ZNF664: variants seen among roughly 807,000 people sequenced by gnomAD.
ZNF664 encodes zinc finger protein 664.
ZNF664 carries 10 observed loss-of-function variants against 18.2 expected under a neutral mutation model. The observed-to-expected ratio is 0.55, with a 90% CI of 0.34 to 0.93. The LOEUF is 0.93. Among genes scored for constraint, ZNF664 ranks in the 40% least tolerant of loss-of-function variants. The pLI is 0.02. For synonymous variants in ZNF664, 119 were observed against 104.2 expected (o/e 1.14, Z -0.86); for missense variants, 193 against 319.0 (o/e 0.61, Z 3.01).
At chr12:123,997,605 C>T (rs1956965109) in intron 3 of ZNF664, 1 of 152,208 alleles carries the variant, frequency 6.6e-6, no homozygotes. Context: ...TCCATGTCCT[C>T]TCTTTTATAA....
intron 2 of ZNF664, among the ~76,000 whole-genome samples, chr12:123,977,591 T>C (rs757498931): frequency 7.2e-5 from 11 of 152,116 alleles, no homozygotes; most frequent in Admixed American, 1.3e-4. Context: ...TAAAGTATCC[T>C]GAAAGGTCTG....
intron 3 of ZNF664, among the ~76,000 whole-genome samples, chr12:123,995,850 A>G (rs1439534728): frequency 6.6e-6 from 1 of 152,210 alleles, no homozygotes; most frequent in Non-Finnish European, 1.5e-5. Flanking sequence ...GGCTGGCTCA[A>G]CAGAGGTCTG....
Position 124,013,783 on chromosome 12 carries a change from T to C in ZNF664, c.*853T>C, listed in dbSNP as rs1168631869. 2.4e-5 allele frequency: 4 copies of C among 167,132 alleles called. No homozygotes were observed. Among genetic ancestry groups the C allele is most frequent in the Admixed American group, 6.5e-5 (1 of 15,290 alleles). 10.4% of individuals were successfully genotyped at this position (167,132 alleles called of 1,614,324 possible). A position where few individuals can be genotyped will look rare whatever the true frequency, so the allele number is the denominator to read the frequency against. ...GGGCTCCTTTGGTAACAGATGGAGC[T>C]CCTTCCTAGCTAGGGAGACCTTATG... On this transcript the variant is annotated 3_prime_UTR_variant, in exon 5 of 5. Coordinates refer to ENST00000337815, the MANE Select transcript of ZNF664 (RefSeq NM_152437.3).
chr12:123,995,240 T>TA (rs985757150), intron 3 of ZNF664, among the ~76,000 whole-genome samples: 30 of 152,092 alleles, frequency 2.0e-4, no homozygotes, highest in African/African-American at 5.1e-4. Flanking sequence ...AAGTAGGCTT[T>TA]AAAAAAAATA....
chr12:123,982,173 T>C (rs1363241566), intron 2 of ZNF664, among the ~76,000 whole-genome samples: 2 of 152,212 alleles, frequency 1.3e-5, no homozygotes, highest in Non-Finnish European at 2.9e-5. Flanking sequence ...GGCAGAGTGG[T>C]GCCCTTTCAT....
intron 3 of ZNF664, among the ~76,000 whole-genome samples, chr12:124,011,050 T>C (rs774407204): frequency 6.6e-6 from 1 of 152,212 alleles, no homozygotes; most frequent in Non-Finnish European, 1.5e-5. Context: ...CAGGAAATCA[T>C]TGAGGACAAG....
Position 124,011,756 on chromosome 12 carries a change from C to A in ZNF664, c.-389C>A. On this transcript the variant is annotated 5_prime_UTR_variant, in exon 5 of 5. Transcript: ENST00000337815. ...GGGGATATACTGTACAGTCCTTTTT[C>A]TAGAAGTGAGACATACAAGATTACT... The A allele has an allele frequency of 9.3e-7, 1 of 1,071,954 alleles. No homozygotes were observed. Among genetic ancestry groups the A allele is most frequent in the South Asian group, 3.3e-5 (1 of 30,220 alleles). 66.4% of individuals were successfully genotyped at this position (1,071,954 alleles called of 1,614,324 possible).
rs1336232593 is a variant in ZNF664, at chr12:124,014,692, T to C, written c.*1762T>C. The C allele has an allele frequency of 6.0e-6, 1 of 167,124 alleles. No homozygotes were observed. The highest frequency in any genetic ancestry group is 2.4e-5 in the African/African-American group (1 of 41,470). The allele number at this position is 167,124 out of a possible 1,614,324, so 10.4% of individuals were successfully genotyped here. Reference sequence around the variant, plus strand: ...CTACTCAAGATAGTCACGAAAATACTGAAAGTTTGATTTTTCTTTCCATAT... The same window carrying C: ...CTACTCAAGATAGTCACGAAAATACCGAAAGTTTGATTTTTCTTTCCATAT... On this transcript the variant is annotated 3_prime_UTR_variant, in exon 5 of 5. Transcript: ENST00000337815.
At chr12:123,973,424 G>A in intron 1 of ZNF664, 72 bp downstream of exon 1, 1 of 906,682 alleles carries the variant, frequency 1.1e-6, no homozygotes, top group Non-Finnish European at 1.3e-6. Context: ...GGGCCAGGGA[G>A]CGGGCTGGGG....
chr12:123,988,722 A>AT (rs1333533217), intron 3 of ZNF664, among the ~76,000 whole-genome samples: 1 of 151,576 alleles, frequency 6.6e-6, no homozygotes, highest in South Asian at 2.1e-4. Context: ...CAGCACAACT[A>AT]TTTTTTTACT....
intron 2 of ZNF664, among the ~76,000 whole-genome samples, chr12:123,981,657 G>C (rs1956766178): frequency 6.6e-6 from 1 of 152,204 alleles, no homozygotes; most frequent in South Asian, 2.1e-4. Flanking sequence ...AACAGATTAA[G>C]ACAGGAATAT....
chr12:124,003,978 CTG>C (rs2138431174), intron 3 of ZNF664, among the ~76,000 whole-genome samples: 1 of 152,230 alleles, frequency 6.6e-6, no homozygotes, highest in South Asian at 2.1e-4. Flanking sequence ...TGCGGTGTCA[CTG>C]AGAGTAGGTG....
At chr12:123,994,320 G>A (rs1330336192) in intron 3 of ZNF664, among the ~76,000 whole-genome samples, 1 of 152,126 alleles carries the variant, frequency 6.6e-6, no homozygotes, top group Non-Finnish European at 1.5e-5. Flanking sequence ...GTTTATGTGG[G>A]TTGCAGGCTT....
chr12:123,980,165 T>C (rs1956746850), intron 2 of ZNF664, among the ~76,000 whole-genome samples: 1 of 152,192 alleles, frequency 6.6e-6, no homozygotes, highest in South Asian at 2.1e-4. Context: ...AGAAAAAGAC[T>C]AGAATACCTG....
chr12:124,010,383 AGAAAT>A (rs1373375499), intron 3 of ZNF664, among the ~76,000 whole-genome samples: 1 of 152,234 alleles, frequency 6.6e-6, no homozygotes, highest in Non-Finnish European at 1.5e-5. Flanking sequence ...ATAGAGTAAA[AGAAAT>A]GAAAAGATTG....
chr12:124,002,198 A>T (rs1197317968), intron 3 of ZNF664, among the ~76,000 whole-genome samples: 1 of 152,128 alleles, frequency 6.6e-6, no homozygotes, highest in African/African-American at 2.4e-5. Context: ...ACCAGGAAGA[A>T]ACTGGGCAGG....
At chr12:123,975,605 T>C (rs1048513892) in intron 2 of ZNF664, among the ~76,000 whole-genome samples, 4 of 152,140 alleles carry the variant, frequency 2.6e-5, no homozygotes, top group African/African-American at 9.7e-5. Flanking sequence ...ATTTATTTTA[T>C]TTTTGTAATG....
intron 2 of ZNF664, among the ~76,000 whole-genome samples, chr12:123,984,016 G>A (rs1428343007): frequency 2.0e-5 from 3 of 152,182 alleles, no homozygotes; most frequent in African/African-American, 4.8e-5. Flanking sequence ...GAAGAGCCGA[G>A]GTTTCTGAGC....
At chr12:123,984,752 C>G (rs1469662584) in intron 2 of ZNF664, among the ~76,000 whole-genome samples, 1 of 151,902 alleles carries the variant, frequency 6.6e-6, no homozygotes, top group Non-Finnish European at 1.5e-5. Context: ...GGAAATAATT[C>G]TAGTAGGCAG....
Sources: allele counts gnomAD v4.1 joint callset (sites outside exome capture counted in the v4.1 genomes callset), GRCh38; gene constraint gnomAD v4.1.1; transcripts MANE v1.5; gene names NCBI Gene and HGNC (gene_info 2026-07-23, HGNC 2026-07-21).